Variants in ENTPD5 observed in about 807,000 individuals in gnomAD.
ENTPD5 encodes ectonucleoside triphosphate diphosphohydrolase 5 (inactive).
In ENTPD5, 49 loss-of-function variants were observed where a neutral mutation model predicts 60.2. That is an observed-to-expected ratio of 0.81 (90% confidence interval 0.65 to 1.03). ENTPD5 has a LOEUF of 1.03. ENTPD5 is among the 50% of genes least tolerant of loss of function. The pLI, the probability that ENTPD5 is intolerant of heterozygous loss-of-function variation, is 0.00. For missense variants in ENTPD5, 480 were observed against 507.6 expected (o/e 0.95, Z 0.52); for synonymous variants, 187 against 185.4 (o/e 1.01, Z -0.07).
At chr14:73,956,487 G>A (rs2140384896), downstream of ENTPD5, 1 of 155,144 alleles carries the variant, frequency 6.4e-6, no homozygotes, top group South Asian at 2.0e-4. Context: ...AGTCTATAAG[G>A]GTTCCAGTTT....
At chr14:73,987,287 T>A in intron 4 of ENTPD5, 1 of 616,518 alleles carries the variant, frequency 1.6e-6, no homozygotes, top group Non-Finnish European at 2.9e-6. Context: ...ATCCCTGGAG[T>A]ATCCCATGTT....
downstream of ENTPD5, chr14:73,958,123 T>C (rs766770883): frequency 3.3e-5 from 53 of 1,605,566 alleles, no homozygotes; most frequent in Admixed American, 2.2e-4. Context: ...TCTAATTTTT[T>C]TTCCTCTCTT....
At chr14:74,015,045 C>T (rs892853179) in intron 2 of ENTPD5, among the ~76,000 whole-genome samples, 1 of 149,330 alleles carries the variant, frequency 6.7e-6, no homozygotes, top group Admixed American at 6.7e-5. Context: ...TGTGCCACTG[C>T]ACTCCAGCCT....
rs568946734 is a variant in ENTPD5, at chr14:73,996,231, T to C, written c.-70-8059A>G. On this transcript the variant is annotated intron_variant, in intron 3 of 15. Coordinates refer to ENST00000334696, the MANE Select transcript of ENTPD5 (RefSeq NM_001249.5). ...TGAACCGCATTCACCTTTGTGCCAG[T>C]TTGCAACTAACAGTGTGGCATTTTG... is the stretch of plus-strand genomic sequence containing the variant. The C allele has an allele frequency of 7.9e-4, 779 of 983,302 alleles. 2 individuals are homozygous for C. The South Asian group carries it at 0.011, about 14-fold the overall frequency. 60.9% of individuals were successfully genotyped at this position (983,302 alleles called of 1,614,324 possible).
At chr14:74,001,533 TG>T (rs1252676795) in intron 3 of ENTPD5, among the ~76,000 whole-genome samples, 1 of 150,494 alleles carries the variant, frequency 6.6e-6, no homozygotes, top group Non-Finnish European at 1.5e-5. Context: ...CCAGGCATGG[TG>T]GCGGGCACCT....
At chr14:74,001,455 T>C (rs1308799915) in intron 3 of ENTPD5, among the ~76,000 whole-genome samples, 3 of 151,168 alleles carry the variant, frequency 2.0e-5, no homozygotes, top group Non-Finnish European at 4.4e-5. Flanking sequence ...TGAGCCGAGA[T>C]TGCACCACTG....
chr14:73,990,395 C>T (rs983636232), intron 3 of ENTPD5, among the ~76,000 whole-genome samples: 9 of 148,534 alleles, frequency 6.1e-5, no homozygotes, highest in Non-Finnish European at 1.4e-4. Flanking sequence ...AGTGCAGTGG[C>T]ACAATCACGG....
At chr14:73,960,182 C>T (rs1293707681), downstream of ENTPD5, 16 of 987,360 alleles carry the variant, frequency 1.6e-5, no homozygotes, top group East Asian at 1.1e-4. Context: ...AGGGAAAGGC[C>T]GAGCGAATTT....
intron 15 of ENTPD5, 150 bp from the exon 16 acceptor site, chr14:73,967,164 C>T: frequency 1.6e-6 from 1 of 636,856 alleles, no homozygotes; most frequent in Non-Finnish European, 2.8e-6. Context: ...CTTCCCACTA[C>T]TCTGTAACAA....
chr14:73,986,810 T>G lies in ENTPD5; in HGVS notation c.297+4A>C. ...ATCTAAACATCAAATCATAAGAAAC[T>G]CACCTGCTTAGGTTGATCTACAAAA... On this transcript the variant is annotated splice_donor_region_variant and intron_variant, in intron 5 of 15. Transcript: ENST00000334696. The G allele has an allele frequency of 6.2e-7, 1 of 1,610,060 alleles. No homozygotes were observed. The highest frequency in any genetic ancestry group is 2.2e-5 in the East Asian group (1 of 44,858).
chr14:73,973,933 A>C lies in ENTPD5; in HGVS notation c.830T>G (p.Leu277Trp). 6.2e-7 allele frequency: 1 copy of C among 1,614,138 alleles called. No individual in the cohort carries two copies. The highest frequency in any genetic ancestry group is 8.5e-7 in the Non-Finnish European group (1 of 1,180,004). ...TFRSACLPRWLEAEWIFGGVK... is the reference protein window; with the variant it reads ...TFRSACLPRWWEAEWIFGGVK... ...ACCCCCAAAGATCCACTCTGCTTCC[A>C]ACCATCTCGGTAAACAGGCACTCCG... Residue 277 changes from leucine (L) to tryptophan (W), a missense_variant, in exon 12 of 16, where the codon TTG becomes TGG. Leu to Trp is a moderately conservative substitution (Grantham distance 61). Transcript: ENST00000334696.
chr14:73,960,753 A>T (rs1015552162), downstream of ENTPD5: 3 of 436,216 alleles, frequency 6.9e-6, no homozygotes, highest in African/African-American at 6.2e-5. Context: ...ACAGGGGGGA[A>T]ACACAGAGAA....
intron 3 of ENTPD5, among the ~76,000 whole-genome samples, chr14:73,988,654 T>G (rs2140648634): frequency 6.6e-6 from 1 of 152,270 alleles, no homozygotes; most frequent in East Asian, 1.9e-4. Flanking sequence ...ATTAACCAAG[T>G]TCTCCTAATC....
chr14:73,994,019 T>C (rs1159604559), intron 3 of ENTPD5, among the ~76,000 whole-genome samples: 1 of 151,988 alleles, frequency 6.6e-6, no homozygotes, highest in Non-Finnish European at 1.5e-5. Context: ...GATGAACAAA[T>C]AGAATGCCCC....
At chr14:73,985,032 T>C (rs2057843677) in intron 5 of ENTPD5, among the ~76,000 whole-genome samples, 1 of 152,160 alleles carries the variant, frequency 6.6e-6, no homozygotes. Context: ...AGAATGATGG[T>C]TTCCAGCTTC....
chr14:74,002,291 G>T (rs2058535260), intron 3 of ENTPD5, among the ~76,000 whole-genome samples: 1 of 152,138 alleles, frequency 6.6e-6, no homozygotes, highest in Admixed American at 6.5e-5. Context: ...TTATCTAACA[G>T]GGCTCTTGGA....
At chr14:73,958,499 T>G, downstream of ENTPD5, 2 of 1,369,684 alleles carry the variant, frequency 1.5e-6, no homozygotes, top group Non-Finnish European at 1.9e-6. Flanking sequence ...AAATAACAGA[T>G]AGCTGGGCCT....
intron 2 of ENTPD5, among the ~76,000 whole-genome samples, chr14:74,014,094 T>A (rs368619374): frequency 1.3e-5 from 2 of 152,088 alleles, no homozygotes; most frequent in Non-Finnish European, 2.9e-5. Context: ...TCTGTTGGGA[T>A]GGACAACTAA....
At chr14:73,961,502 T>C (rs1249492191), downstream of ENTPD5, 2 of 1,614,040 alleles carry the variant, frequency 1.2e-6, no homozygotes, top group African/African-American at 1.3e-5. Flanking sequence ...GGTGTCAACA[T>C]GGGCTTTGGG....
Sources: gnomAD v4.1 joint callset for allele counts (sites outside exome capture counted in the v4.1 genomes callset) on GRCh38, gnomAD v4.1.1 for gene constraint, MANE v1.5 for transcripts, NCBI Gene and HGNC (gene_info 2026-07-23, HGNC 2026-07-21) for gene names.